Variants in CAND2 observed in about 807,000 individuals in gnomAD.
CAND2 encodes the protein cullin associated and neddylation dissociated 2 (putative).
In CAND2, 62 loss-of-function variants were observed where a neutral mutation model predicts 98.9. That is an observed-to-expected ratio of 0.63 (90% CI 0.51 to 0.77). CAND2 has a LOEUF of 0.77. Ranked by LOEUF, CAND2 falls within the 30% of genes least tolerant of loss-of-function variation. The pLI is 0.00. For missense variants in CAND2, 1,501 were observed against 1,655.2 expected (o/e 0.91, Z 1.62); for synonymous variants, 770 against 731.9 (o/e 1.05, Z -0.84).
Position 12,815,670 on chromosome 3 carries a change from G to A in CAND2, c.1300-197G>A, listed in dbSNP as rs1388615801. ...GTCTCTCTGTACCTGTAAAATGGAC[G>A]CAGAAAATTTGCCTACTCTCCAAGG... is the stretch of plus-strand genomic sequence containing the variant. On this transcript the variant is annotated intron_variant, in intron 8 of 14. Transcript: ENST00000456430. The surrounding 1 kb of genome is among the most constrained non-coding windows in gnomAD (Gnocchi z 5.7). Among the ~76,000 whole-genome samples, 1 of 152,162 alleles carries A rather than the reference G, an allele frequency of 6.6e-6. No individual in the cohort carries two copies. The highest frequency in any genetic ancestry group is 1.5e-5 in the Non-Finnish European group (1 of 68,034).
rs753697377 is a variant in CAND2 at position 12,803,545 on chromosome 3, C to T, written c.126C>T (p.Asp42=). The T allele has an allele frequency of 3.0e-5, 49 of 1,613,326 alleles. No homozygotes were observed. In the South Asian group the frequency reaches 3.8e-4, roughly 13 times the overall value. The change falls in exon 2 of 15, where the codon GAC becomes GAT. Residue 42 remains aspartate, a synonymous_variant. Coordinates refer to ENST00000456430, the MANE Select transcript of CAND2 (RefSeq NM_001162499.2). Reference sequence around the variant, plus strand: ...TGCAGAAGGACTCCATCCAGCTGGACGAGGACAGCGAGCGCAAGGTGGTGA... The same window carrying T: ...TGCAGAAGGACTCCATCCAGCTGGATGAGGACAGCGAGCGCAAGGTGGTGA... ...SELQKDSIQL[D]EDSERKVVKM...
chr3:12,806,135 C>T (rs1020049167), intron 2 of CAND2, among the ~76,000 whole-genome samples: 4 of 152,128 alleles, frequency 2.6e-5, no homozygotes, highest in Non-Finnish European at 5.9e-5. Flanking sequence ...AGTTCAAGAC[C>T]AGCCTGGGCA....
intron 10 of CAND2, among the ~76,000 whole-genome samples, chr3:12,819,021 G>A (rs1337957517): frequency 1.3e-5 from 2 of 152,222 alleles, no homozygotes; most frequent in Non-Finnish European, 2.9e-5. Context: ...CTTAGAGCCA[G>A]ATGAGTGGTC....
intron 1 of CAND2, among the ~76,000 whole-genome samples, chr3:12,798,183 G>A (rs1444173017): frequency 6.6e-6 from 1 of 152,066 alleles, no homozygotes; most frequent in Non-Finnish European, 1.5e-5. Flanking sequence ...CTTCATAAAC[G>A]GACACTGTTA....
chr3:12,828,924 C>T (rs1033768244), intron 13 of CAND2, among the ~76,000 whole-genome samples: 3 of 152,180 alleles, frequency 2.0e-5, no homozygotes, highest in African/African-American at 7.2e-5. Flanking sequence ...TATGTACAGA[C>T]CACCAGTTTG....
chr3:12,817,471 C>G lies in CAND2; in HGVS notation c.2539C>G (p.Leu847Val). ...TGVKVLAFLS[L>V]AEVGQVAGPG... Reference sequence around the variant, plus strand: ...GGTCAAGGTCCTGGCATTCTTGTCGCTGGCTGAGGTGGGTCAGGTGGCTGG... The same window carrying G: ...GGTCAAGGTCCTGGCATTCTTGTCGGTGGCTGAGGTGGGTCAGGTGGCTGG... Residue 847 changes from leucine (L) to valine (V), a missense_variant, in exon 10 of 15, where the codon CTG (leucine) becomes GTG (valine). Transcript: ENST00000456430. 6.2e-7 allele frequency: 1 copy of G among 1,613,600 alleles called. No individual in the cohort carries two copies. The highest frequency in any genetic ancestry group is 8.5e-7 in the Non-Finnish European group (1 of 1,179,888).
In CAND2 at chr3:12,807,357, G is replaced by A. The variant is rs1410211468; in HGVS notation, c.264G>A (p.Val88=). 1.9e-6 allele frequency: 3 copies of A among 1,551,642 alleles called. No homozygotes were observed. Among genetic ancestry groups the A allele is most frequent in the Non-Finnish European group, 1.7e-6 (2 of 1,146,940 alleles). The change falls in exon 3 of 15, where the codon GTG becomes GTA. Residue 88 remains valine (V), a synonymous_variant. Transcript: ENST00000456430. The part of the protein sequence containing the change: ...KVKEYQVETI[V]DTLCTNMRSD... Reference sequence around the variant, plus strand: ...AGGAGTACCAGGTGGAGACCATTGTGGACACCCTGTGCACCAACATGCGGT... The same window carrying A: ...AGGAGTACCAGGTGGAGACCATTGTAGACACCCTGTGCACCAACATGCGGT...
rs1175367768 is a variant in CAND2 at position 12,810,241 on chromosome 3, C to T, written c.674C>T (p.Pro225Leu). The T allele has an allele frequency of 6.5e-7, 1 of 1,529,440 alleles. No individual in the cohort carries two copies. Among genetic ancestry groups the T allele is most frequent in the East Asian group, 2.6e-5 (1 of 38,652 alleles). The allele number at this position is 1,529,440 out of a possible 1,614,324, so 94.7% of individuals were successfully genotyped here. The stretch of plus-strand genomic sequence containing the variant: ...CACCTACTGGACCGGCTGCCCGGCC[C>T]GCGGGTGCCCACCAGCCCGACTGCC... Reference protein sequence around the residue: ...ADHLLDRLPGPRVPTSPTAIR... With the variant: ...ADHLLDRLPGLRVPTSPTAIR... Residue 225 changes from proline (P) to leucine (L), a missense_variant, in exon 5 of 15, where the codon CCG (proline) becomes CTG (leucine). Pro to Leu is a moderately conservative substitution (Grantham distance 98). This residue lies in a region of CAND2 where 1,427 missense variants were observed against 1,545.3 expected (regional missense o/e 0.92). Coordinates refer to ENST00000456430, the MANE Select transcript of CAND2 (RefSeq NM_001162499.2).
intron 7 of CAND2, among the ~76,000 whole-genome samples, chr3:12,814,136 C>T (rs767703974): frequency 3.3e-5 from 5 of 152,178 alleles, no homozygotes; most frequent in Non-Finnish European, 7.3e-5. Flanking sequence ...GTGGGGGTGA[C>T]AGTGATCCAT....
At chr3:12,807,213 G>GT in intron 2 of CAND2, 93 bp from the exon 3 acceptor site, 2 of 1,205,460 alleles carry the variant, frequency 1.7e-6, no homozygotes, top group Non-Finnish European at 2.3e-6. Context: ...TCCTCAGCAC[G>GT]TGTGGCCGCA....
In CAND2 at chr3:12,831,572, G is replaced by A; in HGVS notation, c.3483G>A (p.Lys1161=). 1 of 1,608,344 alleles carries A rather than the reference G, an allele frequency of 6.2e-7. No homozygotes were observed. The highest frequency in any genetic ancestry group is 8.5e-7 in the Non-Finnish European group (1 of 1,176,354). ...CACTAAGGGCCACCTGCACTGCCAA[G>A]GTAAGTCCCTGGCCCAGCCCTAGCC... ...IEPLRATCTA[K]VKAGSVKQEF... The change falls in exon 14 of 15, where the codon AAG becomes AAA. Residue 1161 remains lysine (K), a splice_region_variant and synonymous_variant. Coordinates refer to ENST00000456430, the MANE Select transcript of CAND2 (RefSeq NM_001162499.2).
In CAND2 at chr3:12,813,358, G is replaced by A. The variant is rs1433925293; in HGVS notation, c.976G>A (p.Glu326Lys). The A allele has an allele frequency of 3.1e-6, 5 of 1,613,996 alleles. No individual in the cohort carries two copies. The highest frequency in any genetic ancestry group is 3.3e-5 in the Admixed American group (2 of 60,000). ...YDSDEDEEQM[E>K]TEDSEFSEQE... ...CAGTGATGAGGATGAGGAGCAGATGGAGACAGAGGATAGTGAATTCAGTGA... is the reference window on the plus strand; with the variant it reads ...CAGTGATGAGGATGAGGAGCAGATGAAGACAGAGGATAGTGAATTCAGTGA... Residue 326 changes from glutamate to lysine, a missense_variant, in exon 7 of 15, where the codon GAG (glutamate) becomes AAG (lysine). Glu to Lys is a moderately conservative substitution (Grantham distance 56). This residue lies in a region of CAND2 where 1,427 missense variants were observed against 1,545.3 expected (regional missense o/e 0.92). Coordinates refer to ENST00000456430, the MANE Select transcript of CAND2 (RefSeq NM_001162499.2).
intron 13 of CAND2, among the ~76,000 whole-genome samples, chr3:12,829,993 G>A (rs1349938623): frequency 6.6e-6 from 1 of 152,154 alleles, no homozygotes; most frequent in African/African-American, 2.4e-5. Context: ...TGTGACCCAC[G>A]GTGTGATCGG....
At position 12,816,576 on chromosome 3, in the gene CAND2, G is replaced by C. The variant is rs1320898342; in HGVS notation, c.1644G>C (p.Leu548=). 2 of 1,613,824 alleles carry C rather than the reference G, an allele frequency of 1.2e-6. No individual in the cohort carries two copies. Among genetic ancestry groups the C allele is most frequent in the Non-Finnish European group, 1.7e-6 (2 of 1,180,036 alleles). The change falls in exon 10 of 15, where the codon CTG becomes CTC. Residue 548 remains leucine, a synonymous_variant. Coordinates refer to ENST00000456430, the MANE Select transcript of CAND2 (RefSeq NM_001162499.2). ...AGGCCCTGGTGGTGCTGCAGGAGCT[G>C]GTGCGGGCCCTGTGGCCGCTGCACA... ...AAEALVVLQE[L]VRALWPLHRP... is the part of the protein sequence containing the mutation.
At chr3:12,805,186 C>T (rs1043771459) in intron 2 of CAND2, among the ~76,000 whole-genome samples, 3 of 152,010 alleles carry the variant, frequency 2.0e-5, no homozygotes, top group Non-Finnish European at 4.4e-5. Flanking sequence ...TGCATCTACA[C>T]GTGAACTCAT....
At chr3:12,809,941 G>A in intron 4 of CAND2, 118 bp from the exon 5 acceptor site, 1 of 1,127,486 alleles carries the variant, frequency 8.9e-7, no homozygotes, top group East Asian at 3.1e-5. Flanking sequence ...CTTTTGCAAG[G>A]GCCATTGAGT....
At chr3:12,805,688 T>C (rs2061801548) in intron 2 of CAND2, among the ~76,000 whole-genome samples, 1 of 152,220 alleles carries the variant, frequency 6.6e-6, no homozygotes, top group Non-Finnish European at 1.5e-5. Flanking sequence ...TTAGAAAATC[T>C]AAAATGTGGT....
Position 12,816,812 on chromosome 3 carries a change from G to T in CAND2, c.1880G>T (p.Arg627Leu), listed in dbSNP as rs1040549887. The change falls in exon 10 of 15, where the codon CGG (arginine) becomes CTG (leucine). Residue 627 changes from arginine to leucine, a missense_variant. Arg to Leu is a moderately radical substitution (Grantham distance 102). Coordinates refer to ENST00000456430, the MANE Select transcript of CAND2 (RefSeq NM_001162499.2). ...GACCGCCTGCGGAATGAGATCACCC[G>T]GCTGCCCGCCATCAAGGCGCTTACG... ...LLDRLRNEITRLPAIKALTLV... is the reference protein window; with the variant it reads ...LLDRLRNEITLLPAIKALTLV... The T allele has an allele frequency of 1.2e-6, 2 of 1,613,632 alleles. No homozygotes were observed. The highest frequency in any genetic ancestry group is 2.2e-5 in the South Asian group (2 of 91,088).
At chr3:12,833,602 T>C (rs1389397059) in intron 14 of CAND2, among the ~76,000 whole-genome samples, 153 bp from the exon 15 acceptor site, 1 of 151,896 alleles carries the variant, frequency 6.6e-6, no homozygotes, top group Non-Finnish European at 1.5e-5. Flanking sequence ...AGTTAGGAAA[T>C]AGCTGGTGAG....
Sources: gnomAD v4.1 joint callset for allele counts (sites outside exome capture counted in the v4.1 genomes callset) on GRCh38, gnomAD v4.1.1 for gene constraint, gnomAD v4.1.1 regional missense constraint, Gnocchi (gnomAD v3.1) non-coding constraint, MANE v1.5 for transcripts, NCBI Gene and HGNC (gene_info 2026-07-23, HGNC 2026-07-21) for gene names.